The following ITGA11 variants were observed in gnomAD, a reference collection of about 807,000 sequenced individuals.
The protein encoded by ITGA11 is integrin alpha-11.
ITGA11 carries 97 observed loss-of-function variants against 141.9 expected under a neutral mutation model. That is an observed-to-expected ratio of 0.68 (90% CI 0.58 to 0.81). The LOEUF (loss-of-function observed/expected upper bound fraction) is 0.81. ITGA11 is among the 30% of genes least tolerant of loss of function. ITGA11 has a pLI of 0.00. For missense variants in ITGA11, 1,387 were observed against 1,559.2 expected (o/e 0.89, Z 1.86); for synonymous variants, 658 against 624.6 (o/e 1.05, Z -0.80).
intron 5 of ITGA11, among the ~76,000 whole-genome samples, chr15:68,359,995 G>A (rs1186393361): frequency 1.3e-5 from 2 of 152,256 alleles, no homozygotes; most frequent in African/African-American, 2.4e-5. Context: ...ACAGAGGAAG[G>A]TGGGGGTGGC....
chr15:68,394,622 T>C (rs979611997), intron 2 of ITGA11, among the ~76,000 whole-genome samples: 3 of 151,902 alleles, frequency 2.0e-5, no homozygotes, highest in Admixed American at 6.6e-5. Context: ...AGGGATTCAA[T>C]AGAGAAAATC....
At chr15:68,397,463 A>T (rs1173783682) in intron 2 of ITGA11, among the ~76,000 whole-genome samples, 1 of 96,082 alleles carries the variant, frequency 1.0e-5, no homozygotes, top group Non-Finnish European at 1.8e-5. Context: ...TAAAATTATT[A>T]ATATTTTAAA....
chr15:68,372,513 C>T (rs977982574), intron 2 of ITGA11, among the ~76,000 whole-genome samples: 3 of 152,220 alleles, frequency 2.0e-5, no homozygotes, highest in Admixed American at 6.5e-5. Flanking sequence ...TGCGGGCTCC[C>T]AGCATTCTTC....
chr15:68,341,736 T>C (rs1039959876), intron 10 of ITGA11, among the ~76,000 whole-genome samples: 1 of 152,192 alleles, frequency 6.6e-6, no homozygotes, highest in Non-Finnish European at 1.5e-5. Flanking sequence ...TGGACAGGCC[T>C]TTGAAGATGA....
rs1567116000 is a variant in ITGA11 at position 68,296,621 on chromosome 15, T to TGTG, written c.*6437_*6438insCAC. The TGTG allele has an allele frequency of 6.6e-6, 1 of 151,596 alleles. No individual in the cohort carries two copies. Among genetic ancestry groups the TGTG allele is most frequent in the East Asian group, 1.9e-4 (1 of 5,194 alleles). 9.4% of individuals were successfully genotyped at this position (151,596 alleles called of 1,614,324 possible). A position where few individuals can be genotyped will look rare whatever the true frequency, so the allele number is the denominator to read the frequency against. ...GGTGTTTGCTTTGGGGTTGTGTGTGTTTTTTTTCTACTTGTTAGAAGTTCC... is the reference window on the plus strand; with the variant it reads ...GGTGTTTGCTTTGGGGTTGTGTGTGTGTGTTTTTTTCTACTTGTTAGAAGTTCC... On this transcript the variant is annotated 3_prime_UTR_variant, in exon 30 of 30. Coordinates refer to ENST00000315757, the MANE Select transcript of ITGA11 (RefSeq NM_001004439.2).
Position 68,325,214 on chromosome 15 carries a change from T to C in ITGA11, c.2239A>G (p.Thr747Ala), listed in dbSNP as rs754479277. The change falls in exon 18 of 30, where the codon ACC becomes GCC. Residue 747 changes from threonine (T) to alanine (A), a missense_variant. Thr to Ala is a moderately conservative substitution (Grantham distance 58). Transcript: ENST00000315757. The surrounding 1 kb of genome is among the most constrained non-coding windows in gnomAD (Gnocchi z 5.5). ...LDTADYVKPV[T>A]FSVEYSLEDP... ...TCCAGGGAATACTCGACTGAGAAGG[T>C]CACTGGCTTCACGTAGTCAGCAGTG... 3 of 1,613,738 alleles carry C rather than the reference T, an allele frequency of 1.9e-6. No individual in the cohort carries two copies. In the South Asian group the frequency reaches 3.3e-5, roughly 18 times the overall value.
chr15:68,394,880 A>T lies in ITGA11; in HGVS notation c.164+8038T>A, dbSNP rs1023589858. Among the ~76,000 whole-genome samples, 2 of 152,218 alleles carry T rather than the reference A, an allele frequency of 1.3e-5. 1 individual carries two copies. The highest frequency in any genetic ancestry group is 4.1e-4 in the South Asian group (2 of 4,826). ...AAATTAACACAAGAAGGAGTAGCAA[A>T]TCTGAATAATCCATTATCTTTAAGA... On this transcript the variant is annotated intron_variant, in intron 2 of 29. Coordinates refer to ENST00000315757, the MANE Select transcript of ITGA11 (RefSeq NM_001004439.2).
chr15:68,422,060 T>A lies in ITGA11; in HGVS notation c.52+9955A>T, dbSNP rs149523331. ...AGTCCGAATTTGAATTCTCTTTAAGTTTGGGGCATGAATCACTGCTTCTGG... is the reference window on the plus strand; with the variant it reads ...AGTCCGAATTTGAATTCTCTTTAAGATTGGGGCATGAATCACTGCTTCTGG... On this transcript the variant is annotated intron_variant, in intron 1 of 29. Coordinates refer to ENST00000315757, the MANE Select transcript of ITGA11 (RefSeq NM_001004439.2). 1.5e-3 allele frequency among the ~76,000 whole-genome samples: 224 copies of A among 152,264 alleles called. 1 individual carries two copies. In the Middle Eastern group the frequency reaches 0.024, roughly 16 times the overall value.
intron 2 of ITGA11, among the ~76,000 whole-genome samples, chr15:68,391,050 T>C (rs1214361626): frequency 6.6e-6 from 1 of 152,158 alleles, no homozygotes; most frequent in East Asian, 1.9e-4. Context: ...ATCAAATTCT[T>C]GGAATGCTGC....
chr15:68,409,101 C>T (rs185203490), intron 1 of ITGA11, among the ~76,000 whole-genome samples: 179 of 151,296 alleles, frequency 1.2e-3, no homozygotes, highest in African/African-American at 4.3e-3. Flanking sequence ...CTTGAGCTGG[C>T]CTCAGCGCTT....
At position 68,307,742 on chromosome 15, in the gene ITGA11, A is replaced by G. The variant is rs749246681; in HGVS notation, c.3175-46T>C. On this transcript the variant is annotated intron_variant, in intron 26 of 29. Coordinates refer to ENST00000315757, the MANE Select transcript of ITGA11 (RefSeq NM_001004439.2). This position sits in a 1 kb window ranked among gnomAD's most constrained non-coding sequence, Gnocchi z 6.1. ...CAGGGCTGAGCTGCTGGGCTAGGGG[A>G]GCAGGGGGCAGCAACACTGCTTGAA... 6 of 1,322,176 alleles carry G rather than the reference A, an allele frequency of 4.5e-6. No individual in the cohort carries two copies. In the African/African-American group the frequency reaches 8.7e-5, roughly 19 times the overall value. The allele number at this position is 1,322,176 out of a possible 1,614,324, so 81.9% of individuals were successfully genotyped here.
intron 4 of ITGA11, 53 bp downstream of exon 4, chr15:68,364,644 TCCACCCCTCC>T: frequency 3.1e-6 from 3 of 957,016 alleles, no homozygotes; most frequent in Non-Finnish European, 3.3e-6. Context: ...AAGGAGACGC[TCCACCCCTCC>T]CCACCCCCAC....
At chr15:68,363,035 G>A (rs1224096992) in intron 4 of ITGA11, among the ~76,000 whole-genome samples, 2 of 152,156 alleles carry the variant, frequency 1.3e-5, no homozygotes, top group African/African-American at 4.8e-5. Context: ...TTGATGGGTG[G>A]ATGAATGATA....
chr15:68,361,714 G>A lies in ITGA11; in HGVS notation c.358-10C>T, dbSNP rs2306018. 39,328 of 1,567,550 alleles carry A rather than the reference G, an allele frequency of 0.025. 542 individuals carry two copies. Among genetic ancestry groups the A allele is most frequent in the South Asian group, 0.033 (2,886 of 86,950 alleles). The stretch of plus-strand genomic sequence containing the variant: ...AGAGGGGGCTGCAGGCCTGGGGAGG[G>A]CAGTGCAGATCCCCAGTCAGTGAGG... On this transcript the variant is annotated splice_polypyrimidine_tract_variant and intron_variant, in intron 4 of 29. Coordinates refer to ENST00000315757, the MANE Select transcript of ITGA11 (RefSeq NM_001004439.2).
chr15:68,390,641 G>T (rs775585355), intron 2 of ITGA11, among the ~76,000 whole-genome samples: 2 of 152,210 alleles, frequency 1.3e-5, no homozygotes, highest in African/African-American at 2.4e-5. Flanking sequence ...GAGGCAGGAA[G>T]AGCCTGGGTC....
In ITGA11 at chr15:68,402,934, TGTC is replaced by T; in HGVS notation, c.145_147del (p.Asp49del). 6.2e-6 allele frequency: 10 copies of T among 1,612,708 alleles called. No individual in the cohort carries two copies. Among genetic ancestry groups the T allele is most frequent in the Non-Finnish European group, 8.5e-6 (10 of 1,179,006 alleles). ...CTCACTCACCACTTATTGCCACTGA[TGTC>T]GTGCTGCTGCACTGTGTAGCCAAAG... On this transcript the variant is annotated inframe_deletion, in exon 2 of 30. Coordinates refer to ENST00000315757, the MANE Select transcript of ITGA11 (RefSeq NM_001004439.2).
In ITGA11 at chr15:68,335,712, A is replaced by G; in HGVS notation, c.1410T>C (p.Ala470=). ...CCTCCATTACCTGCTGGCCCCGCAT[A>G]GCCTGGTGGATGGTGAGGCTCCGGT... is the stretch of plus-strand genomic sequence containing the variant. ...HNNRSLTIHQ[A]MRGQQIGSYF... The change falls in exon 12 of 30, where the codon GCT becomes GCC. Residue 470 remains alanine (A), a synonymous_variant. Transcript: ENST00000315757. The surrounding 1 kb of genome is among the most constrained non-coding windows in gnomAD (Gnocchi z 4.9). The G allele has an allele frequency of 6.2e-7, 1 of 1,613,756 alleles. No individual in the cohort carries two copies. The highest frequency in any genetic ancestry group is 8.5e-7 in the Non-Finnish European group (1 of 1,179,790).
At chr15:68,431,565 G>A (rs1001329734) in intron 1 of ITGA11, among the ~76,000 whole-genome samples, 20 of 152,176 alleles carry the variant, frequency 1.3e-4, no homozygotes, top group Non-Finnish European at 1.0e-4. Flanking sequence ...CAAACTTTGA[G>A]ATGCTTCCCC....
intron 1 of ITGA11, among the ~76,000 whole-genome samples, chr15:68,415,399 TAG>T (rs1896865047): frequency 6.6e-6 from 1 of 152,106 alleles, no homozygotes; most frequent in Non-Finnish European, 1.5e-5. Context: ...GAAGGCTGGA[TAG>T]AGAGACTGGC....
Sources: allele counts gnomAD v4.1 joint callset (sites outside exome capture counted in the v4.1 genomes callset), GRCh38; gene constraint gnomAD v4.1.1; non-coding constraint Gnocchi (gnomAD v3.1); transcripts MANE v1.5; gene names NCBI Gene and HGNC (gene_info 2026-07-23, HGNC 2026-07-21).